NLGN4X: variants seen among roughly 807,000 people sequenced by gnomAD.
The protein encoded by NLGN4X is neuroligin-4, X-linked.
A neutral mutation model predicts 40.3 loss-of-function variants in NLGN4X; 3 were observed. The ratio of observed to expected loss-of-function variants is 0.07; its 90% CI spans 0.03 to 0.19. The LOEUF is 0.19. NLGN4X is among the 10% of genes least tolerant of loss of function. The pLI is 1.00. For synonymous variants in NLGN4X, 270 were observed against 306.8 expected, an observed-to-expected ratio of 0.88 and a Z score of 1.25; for missense variants, 382 against 708.3, an observed-to-expected ratio of 0.54 and a Z score of 5.23.
chrX:6,035,959 G>C (rs2036991740), intron 2 of NLGN4X, among the ~76,000 whole-genome samples: 1 of 111,880 alleles, frequency 8.9e-6, no homozygotes, highest in Non-Finnish European at 1.9e-5. Flanking sequence ...TTATGTTATT[G>C]GTAAGGCTTC....
At chrX:5,961,364 T>C (rs2146979557) in intron 3 of NLGN4X, among the ~76,000 whole-genome samples, 1 of 112,520 alleles carries the variant, frequency 8.9e-6, no homozygotes, top group East Asian at 2.8e-4. Context: ...CAGTCTGACT[T>C]CTTACAGTTC....
intron 2 of NLGN4X, among the ~76,000 whole-genome samples, chrX:6,130,569 G>A (rs907332287): frequency 2.7e-5 from 3 of 112,755 alleles, no homozygotes; most frequent in African/African-American, 9.6e-5. Flanking sequence ...TGGCAACAAT[G>A]ATGTTAATTG....
rs1452934793 is a variant in NLGN4X at position 6,013,249 on chromosome X, G to A, written c.625+16031C>T. Reference sequence around the variant, plus strand: ...CCATTCCAGCTAACCTATGTGTAATGAATTATGATACAGGTATACATAGAT... The same window carrying A: ...CCATTCCAGCTAACCTATGTGTAATAAATTATGATACAGGTATACATAGAT... On this transcript the variant is annotated intron_variant, in intron 3 of 5. Transcript: ENST00000381095. Among the ~76,000 whole-genome samples, 3 of 111,129 alleles carry A rather than the reference G, an allele frequency of 2.7e-5. No homozygotes were observed. In the East Asian group the frequency reaches 8.5e-4, roughly 31 times the overall value.
chrX:5,954,162 A>C (rs2146954345), intron 3 of NLGN4X, among the ~76,000 whole-genome samples: 1 of 110,983 alleles, frequency 9.0e-6, no homozygotes, highest in South Asian at 3.8e-4. Context: ...AAAACAATCA[A>C]GTTTTGGAAG....
rs145966848 is a variant in NLGN4X at position 5,918,270 on chromosome X, A to G, written c.626-9031T>C. On this transcript the variant is annotated intron_variant, in intron 3 of 5. Transcript: ENST00000381095. ...GTATGGAGATAAAACACATATTAAG[A>G]TACATTTTTGTACTTCAGTGCTATT... Among the ~76,000 whole-genome samples, 130 of 112,082 alleles carry G rather than the reference A, an allele frequency of 1.2e-3. 1 individual carries two copies. Among genetic ancestry groups the G allele is most frequent in the Middle Eastern group, 4.6e-3 (1 of 216 alleles).
At chrX:5,898,418 T>G (rs1340360193) in intron 5 of NLGN4X, among the ~76,000 whole-genome samples, 1 of 109,367 alleles carries the variant, frequency 9.1e-6, no homozygotes, top group African/African-American at 3.3e-5. Context: ...CATTTTTCTG[T>G]GCTCATCCCA....
intron 2 of NLGN4X, among the ~76,000 whole-genome samples, chrX:6,079,877 A>C (rs938851529): frequency 3.6e-5 from 4 of 111,198 alleles, no homozygotes; most frequent in Non-Finnish European, 7.5e-5. Flanking sequence ...CTCTGTTCTA[A>C]ATTTTCCAGA....
intron 2 of NLGN4X, among the ~76,000 whole-genome samples, chrX:6,045,824 T>C (rs111520818): frequency 9.0e-6 from 1 of 111,435 alleles, no homozygotes; most frequent in Non-Finnish European, 1.9e-5. Flanking sequence ...ACCATCATAT[T>C]TCAAGATACT....
chrX:6,201,718 A>G (rs1460481024), intron 1 of NLGN4X, among the ~76,000 whole-genome samples: 1 of 111,323 alleles, frequency 9.0e-6, no homozygotes, highest in Non-Finnish European at 1.9e-5. Context: ...TGCCATGAGC[A>G]GGGAGCAGGG....
At chrX:6,040,033 G>A (rs2037115945) in intron 2 of NLGN4X, among the ~76,000 whole-genome samples, 1 of 111,708 alleles carries the variant, frequency 9.0e-6, no homozygotes, top group Admixed American at 9.5e-5. Flanking sequence ...CAACTCAAGG[G>A]CTCCAGTGAT....
At chrX:5,977,206 T>C (rs1262245797) in intron 3 of NLGN4X, among the ~76,000 whole-genome samples, 2 of 111,785 alleles carry the variant, frequency 1.8e-5, no homozygotes, top group African/African-American at 6.5e-5. Flanking sequence ...CAAGAGCATT[T>C]AGCTTATTTA....
intron 1 of NLGN4X, among the ~76,000 whole-genome samples, chrX:6,194,833 G>GA (rs1419676909): frequency 9.0e-6 from 1 of 111,187 alleles, no homozygotes; most frequent in Non-Finnish European, 1.9e-5. Flanking sequence ...TTTACATTGG[G>GA]AAAAAAATGA....
chrX:6,180,233 T>C (rs1253250948), intron 1 of NLGN4X, among the ~76,000 whole-genome samples: 5 of 111,691 alleles, frequency 4.5e-5, no homozygotes, highest in Non-Finnish European at 9.4e-5. Context: ...CCTATCCAAA[T>C]CTCCTGTCGA....
At chrX:6,089,126 C>T (rs1486095780) in intron 2 of NLGN4X, among the ~76,000 whole-genome samples, 1 of 111,539 alleles carries the variant, frequency 9.0e-6, no homozygotes. Flanking sequence ...ATAAACATAT[C>T]GTTAAACTAA....
At chrX:6,127,395 G>C (rs1374481950) in intron 2 of NLGN4X, among the ~76,000 whole-genome samples, 1 of 112,532 alleles carries the variant, frequency 8.9e-6, no homozygotes, top group Non-Finnish European at 1.9e-5. Context: ...TGGATCACAA[G>C]GTCAGCAGTT....
At position 6,101,840 on chromosome X, in the gene NLGN4X, C is replaced by T. The variant is rs1270333590; in HGVS notation, c.472+49155G>A. Among the ~76,000 whole-genome samples, 4 of 106,782 alleles carry T rather than the reference C, an allele frequency of 3.7e-5. No homozygotes were observed. In the South Asian group the frequency reaches 1.3e-3, roughly 34 times the overall value. 92.7% of individuals were successfully genotyped at this position (106,782 alleles called of 115,157 possible). Reference sequence around the variant, plus strand: ...TTTTTTTTTTTTTGAGACTGAGTCTCGCTCTGTCGCCCAGGCTGGAGTGCA... The same window carrying T: ...TTTTTTTTTTTTTGAGACTGAGTCTTGCTCTGTCGCCCAGGCTGGAGTGCA... On this transcript the variant is annotated intron_variant, in intron 2 of 5. Coordinates refer to ENST00000381095, the MANE Select transcript of NLGN4X (RefSeq NM_181332.3).
At chrX:6,101,878 C>T (rs1324300810) in intron 2 of NLGN4X, among the ~76,000 whole-genome samples, 2 of 107,751 alleles carry the variant, frequency 1.9e-5, no homozygotes, top group South Asian at 4.1e-4. Context: ...GGCATGATCT[C>T]GGCTCACTGC....
chrX:6,101,221 T>C (rs2038901522), intron 2 of NLGN4X, among the ~76,000 whole-genome samples: 1 of 112,078 alleles, frequency 8.9e-6, no homozygotes, highest in African/African-American at 3.2e-5. Flanking sequence ...TATTCAGGAA[T>C]GGGAGACAGA....
At chrX:5,905,470 T>A (rs917226191) in intron 4 of NLGN4X, among the ~76,000 whole-genome samples, 6 of 112,270 alleles carry the variant, frequency 5.3e-5, no homozygotes, top group African/African-American at 1.9e-4. Context: ...CTGATGTATA[T>A]CTTAGGTAAA....
Sources: gnomAD v4.1 joint callset for allele counts (sites outside exome capture counted in the v4.1 genomes callset) on GRCh38, gnomAD v4.1.1 for gene constraint, MANE v1.5 for transcripts, NCBI Gene and HGNC (gene_info 2026-07-23, HGNC 2026-07-21) for gene names.